MED12L: variants seen among roughly 807,000 people sequenced by gnomAD.
The protein encoded by MED12L is mediator of RNA polymerase II transcription subunit 12-like protein.
A neutral mutation model predicts 281.3 loss-of-function variants in MED12L; 60 were observed. That is an observed-to-expected ratio of 0.21 (90% CI 0.17 to 0.26). The LOEUF (loss-of-function observed/expected upper bound fraction) is 0.26. Ranked by LOEUF, MED12L falls within the 10% of genes least tolerant of loss-of-function variation. The pLI is 1.00. For synonymous variants in MED12L, 974 were observed against 987.2 expected, an observed-to-expected ratio of 0.99 and a Z score of 0.25; for missense variants, 2,146 against 2,680.9, an observed-to-expected ratio of 0.80 and a Z score of 4.41.
chr3:151,396,035 C>T (rs1219579715), intron 39 of MED12L, among the ~76,000 whole-genome samples: 2 of 152,206 alleles, frequency 1.3e-5, no homozygotes, highest in Non-Finnish European at 2.9e-5. Flanking sequence ...GTGCTTGTCT[C>T]TTCCTGACCT....
At chr3:151,377,867 G>T in intron 30 of MED12L, 145 bp from the exon 31 acceptor site, 1 of 718,012 alleles carries the variant, frequency 1.4e-6, no homozygotes, top group Non-Finnish European at 2.1e-6. Flanking sequence ...TTCGGAAAAA[G>T]GAAAGATAAT....
intron 16 of MED12L, among the ~76,000 whole-genome samples, chr3:151,243,492 T>C (rs1175364268): frequency 1.1e-4 from 16 of 152,198 alleles, no homozygotes; most frequent in South Asian, 4.2e-4. Context: ...ATTTTCAACC[T>C]GGAATTTCAT....
chr3:151,209,565 A>G (rs918971821), intron 16 of MED12L, among the ~76,000 whole-genome samples: 4 of 152,162 alleles, frequency 2.6e-5, no homozygotes, highest in Admixed American at 6.5e-5. Context: ...ACCACACACT[A>G]CCAAACACAC....
intron 16 of MED12L, among the ~76,000 whole-genome samples, chr3:151,255,913 C>T (rs1264814179): frequency 6.6e-6 from 1 of 152,146 alleles, no homozygotes; most frequent in Non-Finnish European, 1.5e-5. Flanking sequence ...ACTACCTGCA[C>T]TATTAAAGTT....
chr3:151,304,548 C>T (rs903892747), intron 16 of MED12L, among the ~76,000 whole-genome samples: 16 of 150,798 alleles, frequency 1.1e-4, no homozygotes, highest in Admixed American at 5.3e-4. Flanking sequence ...CCAGCCTGGG[C>T]GACAGAGTGA....
chr3:151,122,398 A>G (rs908214897), intron 3 of MED12L, among the ~76,000 whole-genome samples: 1 of 152,246 alleles, frequency 6.6e-6, no homozygotes, highest in Non-Finnish European at 1.5e-5. Context: ...AGTGATTACT[A>G]GGCTTTCTCC....
intron 11 of MED12L, among the ~76,000 whole-genome samples, chr3:151,184,577 A>G (rs1462847858): frequency 2.0e-5 from 3 of 151,732 alleles, no homozygotes; most frequent in African/African-American, 2.4e-5. Flanking sequence ...CCCGCTCACC[A>G]CTCGCTGCAC....
At chr3:151,379,218 G>A (rs192688972) in intron 31 of MED12L, among the ~76,000 whole-genome samples, 43 of 152,308 alleles carry the variant, frequency 2.8e-4, no homozygotes, top group African/African-American at 9.6e-4. Context: ...TTGCTGATAG[G>A]TGAGTGTATG....
At chr3:151,270,836 T>TC (rs1169059114) in intron 16 of MED12L, among the ~76,000 whole-genome samples, 9 of 152,212 alleles carry the variant, frequency 5.9e-5, no homozygotes, top group Non-Finnish European at 1.2e-4. Flanking sequence ...GATGGGACAA[T>TC]CCACAGAACC....
chr3:151,382,750 G>T lies in MED12L; in HGVS notation c.4680+5G>T. 6.2e-7 allele frequency: 1 copy of T among 1,604,762 alleles called. No individual in the cohort carries two copies. The highest frequency in any genetic ancestry group is 8.5e-7 in the Non-Finnish European group (1 of 1,174,806). On this transcript the variant is annotated splice_donor_5th_base_variant and intron_variant, in intron 33 of 44. Coordinates refer to ENST00000687756, the MANE Select transcript of MED12L (RefSeq NM_001393769.1). ...TTGCAACTCCGCCTAAATTTGGTAA[G>T]TGACATTTCTAGTATTTTCCCTCCA...
intron 5 of MED12L, among the ~76,000 whole-genome samples, chr3:151,155,804 G>GT (rs1425621193): frequency 6.6e-6 from 1 of 152,214 alleles, no homozygotes; most frequent in South Asian, 2.1e-4. Flanking sequence ...CTTTGCCTTT[G>GT]TTTTTTTGAT....
chr3:151,163,732 C>T lies in MED12L; in HGVS notation c.1108-161C>T, dbSNP rs537005900. 8.5e-5 allele frequency among the ~76,000 whole-genome samples: 13 copies of T among 152,260 alleles called. No homozygotes were observed. The East Asian group carries it at 1.5e-3, about 18-fold the overall frequency. ...ACTTAATAATTTTTAGTTTTGTCTT[C>T]TCAATTGCGAAGTTGAGAATGGGGT... On this transcript the variant is annotated intron_variant, in intron 8 of 44. Transcript: ENST00000687756.
chr3:151,254,263 T>C (rs1414076873), intron 16 of MED12L, among the ~76,000 whole-genome samples: 1 of 152,192 alleles, frequency 6.6e-6, no homozygotes, highest in African/African-American at 2.4e-5. Context: ...CTGTGCACGT[T>C]TCCCTTTACC....
At chr3:151,279,526 T>A (rs1329416493) in intron 16 of MED12L, among the ~76,000 whole-genome samples, 4 of 152,178 alleles carry the variant, frequency 2.6e-5, no homozygotes, top group Non-Finnish European at 5.9e-5. Context: ...ACACAGAGCT[T>A]GTTTAGAGAA....
At chr3:151,360,727 A>T in intron 21 of MED12L, 122 bp downstream of exon 21, 2 of 840,392 alleles carry the variant, frequency 2.4e-6, no homozygotes, top group South Asian at 3.5e-5. Context: ...ATTAGGCAGT[A>T]ATTTTGATAT....
intron 16 of MED12L, among the ~76,000 whole-genome samples, chr3:151,261,722 G>GT (rs112574531): frequency 7.1e-6 from 1 of 140,960 alleles, no homozygotes; most frequent in African/African-American, 2.7e-5. Context: ...GTTTTGTTTT[G>GT]TTTTTGTTGT....
chr3:151,425,498 T>C (rs1718775554), intron 43 of MED12L: 1 of 387,940 alleles, frequency 2.6e-6, no homozygotes, highest in Admixed American at 2.8e-5. Context: ...ACTCTTAGGC[T>C]CAAGTGATCT....
At chr3:151,355,026 T>C in intron 17 of MED12L, 95 bp from the exon 18 acceptor site, 1 of 832,284 alleles carries the variant, frequency 1.2e-6, no homozygotes, top group Non-Finnish European at 2.0e-6. Flanking sequence ...TGCACTTTTC[T>C]GTATGTATGC....
rs1241027506 is a variant in MED12L, at chr3:151,433,908, A to G, written c.*1104A>G. On this transcript the variant is annotated 3_prime_UTR_variant, in exon 45 of 45. Coordinates refer to ENST00000687756, the MANE Select transcript of MED12L (RefSeq NM_001393769.1). ...TGCAAAAAGCACAAGTAAATTATAC[A>G]TCAAATTTATTATAAAGAAATAGTA... is the stretch of plus-strand genomic sequence containing the variant. 1 of 152,708 alleles carries G rather than the reference A, an allele frequency of 6.5e-6. No individual in the cohort carries two copies. The highest frequency in any genetic ancestry group is 1.5e-5 in the Non-Finnish European group (1 of 68,050). The allele number at this position is 152,708 out of a possible 1,614,324, so 9.5% of individuals were successfully genotyped here.
Sources: allele counts gnomAD v4.1 joint callset (sites outside exome capture counted in the v4.1 genomes callset), GRCh38; gene constraint gnomAD v4.1.1; transcripts MANE v1.5; gene names NCBI Gene and HGNC (gene_info 2026-07-23, HGNC 2026-07-21).